Variants in ZNF385C observed in about 807,000 individuals in gnomAD.
The protein encoded by ZNF385C is zinc finger protein 385C.
A neutral mutation model predicts 35.4 loss-of-function variants in ZNF385C; 28 were observed. The observed-to-expected ratio is 0.79, with a 90% CI of 0.59 to 1.08. The LOEUF (loss-of-function observed/expected upper bound fraction) is 1.08, where lower values mean the gene tolerates loss of function less well. ZNF385C is among the 50% of genes least tolerant of loss of function. The pLI, the probability that ZNF385C is intolerant of heterozygous loss-of-function variation, is 0.00. For missense variants in ZNF385C, 605 were observed against 595.6 expected (o/e 1.02, Z -0.16); for synonymous variants, 248 against 248.2 (o/e 1.00, Z 0.01).
intron 2 of ZNF385C, among the ~76,000 whole-genome samples, chr17:42,041,900 C>T (rs1236804081): frequency 2.0e-5 from 3 of 152,168 alleles, no homozygotes; most frequent in Admixed American, 6.6e-5. Flanking sequence ...AGAGGGAACA[C>T]CCTGCTCTCC....
chr17:42,037,333 TATAAC>T (rs1405951873), intron 3 of ZNF385C, among the ~76,000 whole-genome samples: 1 of 150,962 alleles, frequency 6.6e-6, no homozygotes, highest in East Asian at 1.9e-4. Flanking sequence ...CACATCCACA[TATAAC>T]ATACAAAACC....
At position 42,026,740 on chromosome 17, in the gene ZNF385C, G is replaced by T. The variant is rs1466628330; in HGVS notation, c.*157C>A. ...AGGAGGGTGGGGACAGTCCTTGGAAGGCAGCTGCCCTTAAAACTAGCCCAG... is the reference window on the plus strand; with the variant it reads ...AGGAGGGTGGGGACAGTCCTTGGAATGCAGCTGCCCTTAAAACTAGCCCAG... On this transcript the variant is annotated 3_prime_UTR_variant, in exon 9 of 9. Coordinates refer to ENST00000692273, the MANE Select transcript of ZNF385C (RefSeq NM_001392013.1). The T allele has an allele frequency of 1.3e-6, 1 of 751,910 alleles. No individual in the cohort carries two copies. Among genetic ancestry groups the T allele is most frequent in the Non-Finnish European group, 2.3e-6 (1 of 434,140 alleles). 46.6% of individuals were successfully genotyped at this position (751,910 alleles called of 1,614,324 possible). A position where few individuals can be genotyped will look rare whatever the true frequency, so the allele number is the denominator to read the frequency against.
chr17:42,058,304 CT>C (rs1192560122), intron 2 of ZNF385C, among the ~76,000 whole-genome samples: 4 of 152,196 alleles, frequency 2.6e-5, no homozygotes, highest in African/African-American at 9.7e-5. Flanking sequence ...CTGCAGGCCC[CT>C]AATCAAAGCG....
intron 2 of ZNF385C, chr17:42,061,541 A>G (rs2053462319): frequency 6.6e-6 from 1 of 152,214 alleles, no homozygotes; most frequent in Non-Finnish European, 1.5e-5. Flanking sequence ...TTTCGAATCC[A>G]GACAGACACA....
At chr17:42,040,910 T>C (rs1439107661) in intron 2 of ZNF385C, 1 of 1,232,124 alleles carries the variant, frequency 8.1e-7, no homozygotes, top group Non-Finnish European at 1.0e-6. Context: ...AGGCGCTCAC[T>C]GGGGAGGCTT....
At chr17:42,077,002 T>C (rs1567995344) in intron 1 of ZNF385C, among the ~76,000 whole-genome samples, 1 of 152,028 alleles carries the variant, frequency 6.6e-6, no homozygotes, top group Non-Finnish European at 1.5e-5. Context: ...AGCCTCTGAG[T>C]CTCCAGTTTG....
At chr17:42,046,188 C>G (rs1305081472) in intron 2 of ZNF385C, among the ~76,000 whole-genome samples, 1 of 152,156 alleles carries the variant, frequency 6.6e-6, no homozygotes, top group Non-Finnish European at 1.5e-5. Flanking sequence ...CTGTACATAT[C>G]TCTGCACTGA....
intron 8 of ZNF385C, 139 bp from the exon 9 acceptor site, chr17:42,027,272 C>A: frequency 1.3e-6 from 1 of 763,614 alleles, no homozygotes; most frequent in South Asian, 1.7e-5. Context: ...TCCCTTCCCA[C>A]CCCCAAACAT....
At chr17:42,060,716 T>C (rs1965655567) in intron 2 of ZNF385C, among the ~76,000 whole-genome samples, 1 of 152,040 alleles carries the variant, frequency 6.6e-6, no homozygotes, top group Admixed American at 6.6e-5. Context: ...TGACTTCTAT[T>C]TTTATTTTAT....
intron 1 of ZNF385C, among the ~76,000 whole-genome samples, chr17:42,067,249 T>C (rs1202026196): frequency 6.6e-6 from 1 of 152,180 alleles, no homozygotes; most frequent in Non-Finnish European, 1.5e-5. Context: ...CTGACACATA[T>C]TGATCTTGGA....
chr17:42,079,271 G>T (rs1214055469), intron 1 of ZNF385C, among the ~76,000 whole-genome samples: 2 of 147,582 alleles, frequency 1.4e-5, no homozygotes, highest in African/African-American at 5.0e-5. Flanking sequence ...GGGCATGCTG[G>T]TGCACACCTG....
At chr17:42,092,163 G>A (rs1410014408) in intron 1 of ZNF385C, among the ~76,000 whole-genome samples, 4 of 152,196 alleles carry the variant, frequency 2.6e-5, no homozygotes, top group African/African-American at 9.6e-5. Context: ...ACTTTGGGAG[G>A]CCGAGGTGGG....
At chr17:42,051,049 C>CT (rs1360359022) in intron 2 of ZNF385C, among the ~76,000 whole-genome samples, 3 of 152,022 alleles carry the variant, frequency 2.0e-5, no homozygotes, top group African/African-American at 7.2e-5. Flanking sequence ...GGTAAGTGAA[C>CT]TTTTACTAGG....
At position 42,095,313 on chromosome 17, in the gene ZNF385C, C is replaced by T. The variant is rs1372595682; in HGVS notation, c.-3+3097G>A. On this transcript the variant is annotated intron_variant, in intron 1 of 8. Coordinates refer to ENST00000692273, the MANE Select transcript of ZNF385C (RefSeq NM_001392013.1). This position sits in a 1 kb window ranked among gnomAD's most constrained non-coding sequence, Gnocchi z 4.4. Reference sequence around the variant, plus strand: ...CATTCCCGCTGGGGATGACCCCCGCCGCCTGGCCAGCTGACCCCACAGTCT... The same window carrying T: ...CATTCCCGCTGGGGATGACCCCCGCTGCCTGGCCAGCTGACCCCACAGTCT... Among the ~76,000 whole-genome samples, 1 of 152,162 alleles carries T rather than the reference C, an allele frequency of 6.6e-6. No individual in the cohort carries two copies. Among genetic ancestry groups the T allele is most frequent in the Non-Finnish European group, 1.5e-5 (1 of 68,030 alleles).
At chr17:42,075,555 C>T (rs2053675064) in intron 1 of ZNF385C, among the ~76,000 whole-genome samples, 1 of 143,472 alleles carries the variant, frequency 7.0e-6, no homozygotes, top group East Asian at 2.0e-4. Flanking sequence ...AGTGCAGTGG[C>T]GCGATCTCGG....
intron 2 of ZNF385C, among the ~76,000 whole-genome samples, chr17:42,049,855 T>C (rs2053246133): frequency 1.3e-5 from 2 of 152,250 alleles, no homozygotes; most frequent in South Asian, 4.1e-4. Flanking sequence ...TACTTAGAAT[T>C]AAATAAAACA....
rs1177755850 is a variant in ZNF385C at position 42,095,983 on chromosome 17, C to A, written c.-3+2427G>T. On this transcript the variant is annotated intron_variant, in intron 1 of 8. Coordinates refer to ENST00000692273, the MANE Select transcript of ZNF385C (RefSeq NM_001392013.1). This position sits in a 1 kb window ranked among gnomAD's most constrained non-coding sequence, Gnocchi z 4.4. ...CTAACCTCTCACCCTGACAAATACA[C>A]CTTCATTAACAACCTGGAGGACCAG... 6.6e-6 allele frequency among the ~76,000 whole-genome samples: 1 copy of A among 152,174 alleles called. No homozygotes were observed. The highest frequency in any genetic ancestry group is 1.5e-5 in the Non-Finnish European group (1 of 68,032).
At chr17:42,032,699 C>T (rs1175187238) in intron 4 of ZNF385C, among the ~76,000 whole-genome samples, 13 of 151,670 alleles carry the variant, frequency 8.6e-5, no homozygotes, top group Admixed American at 6.6e-4. Flanking sequence ...TCCCTCAGAA[C>T]GAATTCTCTC....
chr17:42,030,280 G>A (rs2052697299), intron 5 of ZNF385C, among the ~76,000 whole-genome samples: 1 of 152,172 alleles, frequency 6.6e-6, no homozygotes, highest in South Asian at 2.1e-4. Flanking sequence ...ACAAGGTCAG[G>A]AGTTCGAGAC....
Sources: gnomAD v4.1 joint callset for allele counts (sites outside exome capture counted in the v4.1 genomes callset) on GRCh38, gnomAD v4.1.1 for gene constraint, Gnocchi (gnomAD v3.1) non-coding constraint, MANE v1.5 for transcripts, NCBI Gene and HGNC (gene_info 2026-07-23, HGNC 2026-07-21) for gene names.